The following ELSPBP1 variants were observed in gnomAD, a reference collection of about 807,000 sequenced individuals.
ELSPBP1 encodes the protein epididymal sperm-binding protein 1.
Under a neutral mutation model 33.3 loss-of-function variants are expected in ELSPBP1, and 38 were observed. That is an observed-to-expected ratio of 1.14 (90% confidence interval 0.88 to 1.50). The LOEUF (loss-of-function observed/expected upper bound fraction) is 1.50. ELSPBP1 is among the 40% of genes most tolerant of loss of function. The pLI is 0.00. For missense variants in ELSPBP1, 267 were observed against 263.5 expected (o/e 1.01, Z -0.09); for synonymous variants, 85 against 94.1 (o/e 0.90, Z 0.56).
At chr19:48,022,430 T>C (rs548416346) in intron 6 of ELSPBP1, 96 bp downstream of exon 6, 1 of 1,150,312 alleles carries the variant, frequency 8.7e-7, no homozygotes, top group Non-Finnish European at 1.2e-6. Context: ...GATCTGCTTT[T>C]TCAAGCGTGT....
At chr19:48,013,112 AT>A (rs1967094593) in intron 2 of ELSPBP1, among the ~76,000 whole-genome samples, 1 of 152,124 alleles carries the variant, frequency 6.6e-6, no homozygotes, top group African/African-American at 2.4e-5. Context: ...CTGGAAAATG[AT>A]TTTTTTCTAG....
intron 1 of ELSPBP1, among the ~76,000 whole-genome samples, chr19:47,996,469 TG>T (rs1966913253): frequency 6.6e-6 from 1 of 152,032 alleles, no homozygotes; most frequent in African/African-American, 2.4e-5. Context: ...GATAGATAGA[TG>T]GCTGGTGAAA....
At chr19:48,005,741 T>C (rs1165117580) in intron 1 of ELSPBP1, among the ~76,000 whole-genome samples, 1 of 152,162 alleles carries the variant, frequency 6.6e-6, no homozygotes, top group Non-Finnish European at 1.5e-5. Context: ...GTACATTGGT[T>C]AAGAGCTCAA....
At chr19:48,005,405 G>C (rs1348052671) in intron 1 of ELSPBP1, among the ~76,000 whole-genome samples, 1 of 151,964 alleles carries the variant, frequency 6.6e-6, no homozygotes, top group African/African-American at 2.4e-5. Flanking sequence ...CCAGAAAGTA[G>C]AACCAACTGA....
intron 6 of ELSPBP1, among the ~76,000 whole-genome samples, chr19:48,023,420 GAGGGAAGGAGGA>G (rs1967228000): frequency 1.0e-5 from 1 of 99,928 alleles, no homozygotes; most frequent in Non-Finnish European, 2.1e-5. Context: ...AGGAGGGAGG[GAGGGAAGGAGGA>G]AGGGAGAAAG....
At chr19:48,005,287 A>G (rs973306702) in intron 1 of ELSPBP1, among the ~76,000 whole-genome samples, 1 of 152,194 alleles carries the variant, frequency 6.6e-6, no homozygotes, top group Non-Finnish European at 1.5e-5. Flanking sequence ...GAGGCTGCAT[A>G]TCAGTGAGGC....
At chr19:48,021,831 C>T (rs565628868) in intron 5 of ELSPBP1, among the ~76,000 whole-genome samples, 4 of 152,228 alleles carry the variant, frequency 2.6e-5, no homozygotes, top group South Asian at 2.1e-4. Context: ...AATGCCGCCT[C>T]GACCTCCCAG....
chr19:47,996,024 G>C (rs1370859848), intron 1 of ELSPBP1, among the ~76,000 whole-genome samples: 1 of 152,168 alleles, frequency 6.6e-6, no homozygotes, highest in Non-Finnish European at 1.5e-5. Context: ...ATGTTGGGTG[G>C]TAGATATTGG....
At chr19:48,010,310 T>G (rs1268729263) in intron 2 of ELSPBP1, among the ~76,000 whole-genome samples, 2 of 152,182 alleles carry the variant, frequency 1.3e-5, no homozygotes, top group African/African-American at 4.8e-5. Context: ...AGTTATAATC[T>G]CATTTTTGTC....
At chr19:48,006,681 A>G (rs190264961) in intron 1 of ELSPBP1, among the ~76,000 whole-genome samples, 2 of 151,320 alleles carry the variant, frequency 1.3e-5, no homozygotes, top group East Asian at 2.0e-4. Flanking sequence ...AATTTCCCTG[A>G]AGTCACCCAG....
chr19:47,998,294 A>C lies in ELSPBP1; in HGVS notation c.-18+3483A>C, dbSNP rs560181167. ...GGGTGCAGTGGCAGGCGCCTGTAAT[A>C]CCAGCTACTCGGGAGGCTGAGGCAG... On this transcript the variant is annotated intron_variant, in intron 1 of 6. Transcript: ENST00000339841. Among the ~76,000 whole-genome samples the C allele has an allele frequency of 3.9e-3, 591 of 151,958 alleles. 1 individual carries two copies. Among genetic ancestry groups the C allele is most frequent in the African/African-American group, 0.014 (564 of 41,452 alleles).
At chr19:48,021,937 G>C (rs969223166) in intron 5 of ELSPBP1, among the ~76,000 whole-genome samples, 3 of 152,082 alleles carry the variant, frequency 2.0e-5, no homozygotes, top group African/African-American at 7.2e-5. Flanking sequence ...TGTAGGGACG[G>C]GGTTTCACTA....
At chr19:48,007,190 C>T (rs574428799) in intron 1 of ELSPBP1, among the ~76,000 whole-genome samples, 5 of 152,150 alleles carry the variant, frequency 3.3e-5, no homozygotes, top group South Asian at 2.1e-4. Context: ...CGTGGCCACC[C>T]GGAGACACAG....
At chr19:48,024,382 TA>T (rs1275682603) in intron 6 of ELSPBP1, among the ~76,000 whole-genome samples, 3 of 138,782 alleles carry the variant, frequency 2.2e-5, no homozygotes, top group African/African-American at 3.3e-5. Flanking sequence ...GGAATCTAAA[TA>T]AAAAAAGAGA....
intron 4 of ELSPBP1, among the ~76,000 whole-genome samples, chr19:48,018,021 A>C (rs1967161221): frequency 6.6e-6 from 1 of 151,958 alleles, no homozygotes. Context: ...GTTTTGATGG[A>C]GTAACAGATT....
At chr19:48,016,223 G>A (rs975276915) in intron 4 of ELSPBP1, among the ~76,000 whole-genome samples, 184 bp downstream of exon 4, 33 of 152,292 alleles carry the variant, frequency 2.2e-4, no homozygotes, top group African/African-American at 7.9e-4. Flanking sequence ...GAGGCCATTC[G>A]CCCAGTCCCC....
intron 6 of ELSPBP1, among the ~76,000 whole-genome samples, chr19:48,023,415 G>A (rs2122342422): frequency 7.9e-6 from 1 of 127,174 alleles, no homozygotes; most frequent in African/African-American, 2.9e-5. Context: ...GAGGGAGGAG[G>A]GAGGGAGGGA....
Position 48,015,884 on chromosome 19 carries a change from T to C in ELSPBP1, c.209-9T>C. On this transcript the variant is annotated splice_polypyrimidine_tract_variant and intron_variant, in intron 3 of 6. Transcript: ENST00000339841. ...AAGTTAAGACACTCACGAACTCTGT[T>C]CCTAACAGATTACCCACGCTGTATC... The C allele has an allele frequency of 6.2e-7, 1 of 1,604,000 alleles. No homozygotes were observed. Among genetic ancestry groups the C allele is most frequent in the Non-Finnish European group, 8.5e-7 (1 of 1,171,826 alleles).
At chr19:48,001,886 G>A (rs1253374241) in intron 1 of ELSPBP1, among the ~76,000 whole-genome samples, 1 of 151,350 alleles carries the variant, frequency 6.6e-6, no homozygotes, top group African/African-American at 2.4e-5. Context: ...TTGTAGATAC[G>A]AGGTCTCACT....
Sources: allele counts gnomAD v4.1 joint callset (sites outside exome capture counted in the v4.1 genomes callset), GRCh38; gene constraint gnomAD v4.1.1; transcripts MANE v1.5; gene names NCBI Gene and HGNC (gene_info 2026-07-23, HGNC 2026-07-21).